Variants in RFX3 observed in about 807,000 individuals in gnomAD.
The protein encoded by RFX3 is regulatory factor X3, also known as transcription factor RFX3.
A neutral mutation model predicts 98.6 loss-of-function variants in RFX3; 14 were observed. The observed-to-expected ratio is 0.14, with a 90% CI of 0.09 to 0.22. The LOEUF (loss-of-function observed/expected upper bound fraction) is 0.22. Ranked by LOEUF, RFX3 falls within the 10% of genes least tolerant of loss-of-function variation. The probability of loss-of-function intolerance (pLI) is 1.00; values close to 1 mark genes in which losing one functional copy is unlikely to be tolerated. For synonymous variants in RFX3, 383 were observed against 328.4 expected, an observed-to-expected ratio of 1.17 and a Z score of -1.80; for missense variants, 639 against 926.9, an observed-to-expected ratio of 0.69 and a Z score of 4.03.
chr9:3,484,606 T>C (rs1173920395), intron 1 of RFX3, among the ~76,000 whole-genome samples: 2 of 152,346 alleles, frequency 1.3e-5, no homozygotes, highest in Non-Finnish European at 2.9e-5. Context: ...TCTGAAAACA[T>C]TTAGTATTTT....
intron 1 of RFX3, among the ~76,000 whole-genome samples, chr9:3,435,775 C>T (rs946447948): frequency 7.0e-6 from 1 of 142,582 alleles, no homozygotes; most frequent in Admixed American, 7.2e-5. Context: ...CTTTTGATAT[C>T]CTTATACTTA....
At chr9:3,313,906 C>T (rs1239190525) in intron 4 of RFX3, among the ~76,000 whole-genome samples, 2 of 152,110 alleles carry the variant, frequency 1.3e-5, no homozygotes, top group Non-Finnish European at 2.9e-5. Context: ...ATTGGTGTAC[C>T]TGAAAGTGAT....
At chr9:3,337,654 T>C (rs890469312) in intron 3 of RFX3, among the ~76,000 whole-genome samples, 2 of 152,216 alleles carry the variant, frequency 1.3e-5, no homozygotes, top group Non-Finnish European at 2.9e-5. Context: ...GTGTGGTGTC[T>C]GTACTGCACT....
chr9:3,236,919 C>T (rs189544040), intron 15 of RFX3, among the ~76,000 whole-genome samples: 7 of 152,256 alleles, frequency 4.6e-5, no homozygotes, highest in Admixed American at 4.6e-4. Context: ...GAATCATTTG[C>T]TCTAGGAAAG....
intron 4 of RFX3, among the ~76,000 whole-genome samples, chr9:3,316,847 T>C (rs199688387): frequency 3.9e-5 from 6 of 152,080 alleles, no homozygotes; most frequent in African/African-American, 9.7e-5. Flanking sequence ...AACTACAAAC[T>C]ACTGCTCAAC....
intron 1 of RFX3, among the ~76,000 whole-genome samples, chr9:3,429,687 C>T (rs1201379656): frequency 2.6e-5 from 4 of 152,018 alleles, no homozygotes; most frequent in Admixed American, 1.3e-4. Context: ...TTGGGCAGGC[C>T]GATAATTAAA....
At chr9:3,314,501 G>T (rs1335223981) in intron 4 of RFX3, among the ~76,000 whole-genome samples, 4 of 152,116 alleles carry the variant, frequency 2.6e-5, no homozygotes, top group African/African-American at 7.2e-5. Context: ...CATAATGACA[G>T]GATCAAATTC....
At position 3,524,827 on chromosome 9, in the gene RFX3, GCACACACACACACA is replaced by G. The variant is rs34119220; in HGVS notation, c.-9+906_-9+919del. On this transcript the variant is annotated intron_variant, in intron 1 of 16. Coordinates refer to ENST00000617270, the MANE Select transcript of RFX3 (RefSeq NM_001282116.2). ...GCCCTGCATCCGGTTTAAATCACAA[GCACACACACACACA>G]CACACACACACACACACACACACAC... Among the ~76,000 whole-genome samples the G allele has an allele frequency of 4.1e-3, 526 of 128,210 alleles. 2 individuals are homozygous for G. Among genetic ancestry groups the G allele is most frequent in the Middle Eastern group, 0.019 (5 of 260 alleles). The allele number at this position is 128,210 out of a possible 152,430, so 84.1% of individuals were successfully genotyped here. A position where few individuals can be genotyped will look rare whatever the true frequency, so the allele number is the denominator to read the frequency against.
At chr9:3,424,496 G>T (rs889779295) in intron 1 of RFX3, among the ~76,000 whole-genome samples, 1 of 150,988 alleles carries the variant, frequency 6.6e-6, no homozygotes, top group African/African-American at 2.4e-5. Context: ...CGAGTAGCTG[G>T]GACTACAGGC....
chr9:3,280,485 C>G (rs1825793235), intron 7 of RFX3, among the ~76,000 whole-genome samples: 1 of 151,728 alleles, frequency 6.6e-6, no homozygotes, highest in African/African-American at 2.4e-5. Context: ...TCCTCATTTT[C>G]AAGGTACCCT....
intron 14 of RFX3, among the ~76,000 whole-genome samples, chr9:3,256,406 T>C (rs1822155678): frequency 6.6e-6 from 1 of 151,592 alleles, no homozygotes; most frequent in Non-Finnish European, 1.5e-5. Context: ...ATTGATAAAA[T>C]TAAGAAGTTA....
intron 5 of RFX3, among the ~76,000 whole-genome samples, chr9:3,294,203 C>A (rs902151365): frequency 6.6e-6 from 1 of 152,098 alleles, no homozygotes; most frequent in African/African-American, 2.4e-5. Flanking sequence ...TTCTCAAAGT[C>A]ACATATTGTC....
intron 2 of RFX3, among the ~76,000 whole-genome samples, chr9:3,369,928 C>A (rs13291510): frequency 0.011 from 1,629 of 151,894 alleles, 15 homozygotes; most frequent in Non-Finnish European, 0.018. Context: ...CCTCGGGTTC[C>A]CGCCATTCTC....
intron 1 of RFX3, chr9:3,469,220 C>T (rs189071133): frequency 2.2e-6 from 1 of 455,128 alleles, no homozygotes; most frequent in Non-Finnish European, 4.4e-6. Context: ...AAAATGCATA[C>T]TGAATTTGTG....
At chr9:3,408,580 T>C (rs183062878) in intron 1 of RFX3, among the ~76,000 whole-genome samples, 72 of 151,830 alleles carry the variant, frequency 4.7e-4, no homozygotes, top group African/African-American at 1.7e-3. Context: ...CTGTAAGAGT[T>C]ATCTCTGTCT....
chr9:3,342,533 C>T (rs1258716026), intron 3 of RFX3, among the ~76,000 whole-genome samples: 1 of 152,018 alleles, frequency 6.6e-6, no homozygotes, highest in African/African-American at 2.4e-5. Context: ...TAAGAAAATC[C>T]TTTAAAATAA....
At chr9:3,289,216 T>C (rs1418791700) in intron 6 of RFX3, among the ~76,000 whole-genome samples, 1 of 152,044 alleles carries the variant, frequency 6.6e-6, no homozygotes, top group Non-Finnish European at 1.5e-5. Context: ...ATATTTTTTA[T>C]AAAAATAGAG....
intron 1 of RFX3, among the ~76,000 whole-genome samples, chr9:3,409,161 G>T (rs1333714504): frequency 2.0e-5 from 3 of 152,162 alleles, no homozygotes; most frequent in Non-Finnish European, 2.9e-5. Flanking sequence ...AACTTTTGGG[G>T]ATCAGAATCT....
intron 1 of RFX3, among the ~76,000 whole-genome samples, chr9:3,484,373 A>T (rs10115578): frequency 6.6e-6 from 1 of 152,116 alleles, no homozygotes; most frequent in Non-Finnish European, 1.5e-5. Flanking sequence ...ATGAAATACA[A>T]GACAATGCAA....
Sources: gnomAD v4.1 joint callset for allele counts (sites outside exome capture counted in the v4.1 genomes callset) on GRCh38, gnomAD v4.1.1 for gene constraint, MANE v1.5 for transcripts, NCBI Gene and HGNC (gene_info 2026-07-23, HGNC 2026-07-21) for gene names.